Variants in PTPRN2 observed in about 807,000 individuals in gnomAD.
The protein encoded by PTPRN2 is protein tyrosine phosphatase receptor type N2.
In PTPRN2, 74 loss-of-function variants were observed where a neutral mutation model predicts 118.8. That is an observed-to-expected ratio of 0.62 (90% CI 0.52 to 0.76). The LOEUF (loss-of-function observed/expected upper bound fraction) is 0.76, where lower values mean the gene tolerates loss of function less well. Ranked by LOEUF, PTPRN2 falls within the 30% of genes least tolerant of loss-of-function variation. PTPRN2 has a pLI of 0.00. For missense variants in PTPRN2, 1,481 were observed against 1,394.4 expected, an observed-to-expected ratio of 1.06 and a Z score of -0.99; for synonymous variants, 641 against 608.0, an observed-to-expected ratio of 1.05 and a Z score of -0.80.
intron 2 of PTPRN2, among the ~76,000 whole-genome samples, chr7:158,340,339 T>G (rs1169604750): frequency 3.0e-5 from 3 of 98,784 alleles, no homozygotes; most frequent in African/African-American, 1.1e-4. Flanking sequence ...ACCCACACTG[T>G]CACCATAAGA....
In PTPRN2 at chr7:158,509,520, A is replaced by G. The variant is rs1823025693; in HGVS notation, c.113-19735T>C. The stretch of plus-strand genomic sequence containing the variant: ...CAGTCCTCATCTCTTCTTTCTAGAA[A>G]CCCAAGTTAAAGATCAAGGTGACAC... On this transcript the variant is annotated intron_variant, in intron 1 of 22. Coordinates refer to ENST00000389418, the MANE Select transcript of PTPRN2 (RefSeq NM_002847.5). This position sits in a 1 kb window ranked among gnomAD's most constrained non-coding sequence, Gnocchi z 4.4. Among the ~76,000 whole-genome samples the G allele has an allele frequency of 6.6e-6, 1 of 152,194 alleles. No individual in the cohort carries two copies. The highest frequency in any genetic ancestry group is 1.5e-5 in the Non-Finnish European group (1 of 68,024).
chr7:158,312,693 GCA>G (rs1198789150), intron 3 of PTPRN2, among the ~76,000 whole-genome samples: 20 of 135,060 alleles, frequency 1.5e-4, no homozygotes, highest in African/African-American at 5.6e-4. Context: ...ATGCACACCT[GCA>G]CACTCATTCA....
At chr7:158,041,050 G>A (rs1808430040) in intron 11 of PTPRN2, among the ~76,000 whole-genome samples, 1 of 152,178 alleles carries the variant, frequency 6.6e-6, no homozygotes, top group African/African-American at 2.4e-5. Flanking sequence ...TTCAAGTAGT[G>A]TTAAAAGAAG....
intron 6 of PTPRN2, among the ~76,000 whole-genome samples, chr7:158,151,158 C>T (rs1585646526): frequency 1.5e-5 from 1 of 67,556 alleles, no homozygotes; most frequent in Non-Finnish European, 3.1e-5. Flanking sequence ...CCTCTCCCTG[C>T]CCACACCGCC....
At chr7:158,288,275 C>T (rs1164343674) in intron 3 of PTPRN2, among the ~76,000 whole-genome samples, 1 of 152,090 alleles carries the variant, frequency 6.6e-6, no homozygotes, top group Non-Finnish European at 1.5e-5. Context: ...AAATGTAATC[C>T]ATTTACATTC....
chr7:158,497,495 A>T (rs778009400), intron 1 of PTPRN2, among the ~76,000 whole-genome samples: 1 of 152,050 alleles, frequency 6.6e-6, no homozygotes, highest in Non-Finnish European at 1.5e-5. Flanking sequence ...CTGGAGGTTG[A>T]CACACATGGC....
intron 1 of PTPRN2, among the ~76,000 whole-genome samples, chr7:158,558,541 G>A (rs557216791): frequency 3.3e-5 from 5 of 152,178 alleles, no homozygotes; most frequent in South Asian, 4.2e-4. Context: ...AGAGCCCAGC[G>A]GAGGCAGGGT....
At chr7:158,263,124 TAC>T (rs1797636452) in intron 3 of PTPRN2, among the ~76,000 whole-genome samples, 1 of 116,482 alleles carries the variant, frequency 8.6e-6, no homozygotes, top group Non-Finnish European at 1.8e-5. Context: ...TGCACACACA[TAC>T]ACATATACAC....
chr7:158,509,633 C>T lies in PTPRN2; in HGVS notation c.113-19848G>A, dbSNP rs1823033711. Among the ~76,000 whole-genome samples the T allele has an allele frequency of 6.6e-6, 1 of 152,280 alleles. No homozygotes were observed. Among genetic ancestry groups the T allele is most frequent in the South Asian group, 2.1e-4 (1 of 4,836 alleles). ...CTGCTTTGTTCCGGGATCCCCCAGC[C>T]TCATTTCCATCTCTGTCATGGGCTC... On this transcript the variant is annotated intron_variant, in intron 1 of 22. Transcript: ENST00000389418. This position sits in a 1 kb window ranked among gnomAD's most constrained non-coding sequence, Gnocchi z 4.4.
At chr7:157,924,046 G>A (rs1798833268) in intron 11 of PTPRN2, among the ~76,000 whole-genome samples, 1 of 152,168 alleles carries the variant, frequency 6.6e-6, no homozygotes, top group South Asian at 2.1e-4. Context: ...AGACGGCAGG[G>A]ATGGGACAAT....
At chr7:158,462,072 G>GCGTGACCCC (rs1563322961) in intron 2 of PTPRN2, among the ~76,000 whole-genome samples, 1 of 16,324 alleles carries the variant, frequency 6.1e-5, no homozygotes, top group African/African-American at 1.6e-4. Context: ...CTGTGCTTCC[G>GCGTGACCCC]CCCACGCCCT....
chr7:158,147,680 C>A (rs1232343995), intron 6 of PTPRN2, among the ~76,000 whole-genome samples: 262 of 140,198 alleles, frequency 1.9e-3, no homozygotes, highest in Non-Finnish European at 2.3e-3. Flanking sequence ...CCCTCACTGA[C>A]ACCCCATCTC....
intron 12 of PTPRN2, among the ~76,000 whole-genome samples, chr7:157,898,397 A>G (rs1797253599): frequency 6.6e-6 from 1 of 152,220 alleles, no homozygotes. Context: ...TATTTTCTGA[A>G]GGCTTCTCCG....
chr7:157,744,884 G>A (rs1053137164), intron 12 of PTPRN2, among the ~76,000 whole-genome samples: 6 of 152,306 alleles, frequency 3.9e-5, no homozygotes, highest in African/African-American at 1.2e-4. Flanking sequence ...TCAGCCCCTG[G>A]GTGTTCACTT....
Position 157,749,929 on chromosome 7 carries a change from G to A in PTPRN2, c.1789-66992C>T, listed in dbSNP as rs1360610398. 3.1e-3 allele frequency among the ~76,000 whole-genome samples: 428 copies of A among 138,344 alleles called. 16 individuals are homozygous for A. The highest frequency in any genetic ancestry group is 0.011 in the Middle Eastern group (3 of 264). 90.8% of individuals were successfully genotyped at this position (138,344 alleles called of 152,430 possible). On this transcript the variant is annotated intron_variant, in intron 12 of 22. Transcript: ENST00000389418. Reference sequence around the variant, plus strand: ...TGAGGCCTGCATCTCTGAGCTGTGGGGTGTCCGGGTGATTCTGAGGCCTGT... The same window carrying A: ...TGAGGCCTGCATCTCTGAGCTGTGGAGTGTCCGGGTGATTCTGAGGCCTGT...
chr7:157,759,984 C>A (rs1334473261), intron 12 of PTPRN2, among the ~76,000 whole-genome samples: 1 of 152,248 alleles, frequency 6.6e-6, no homozygotes, highest in African/African-American at 2.4e-5. Flanking sequence ...CAAAGTGGGA[C>A]CATCCAGCAG....
intron 3 of PTPRN2, among the ~76,000 whole-genome samples, chr7:158,239,681 G>A (rs757304652): frequency 2.6e-5 from 4 of 152,164 alleles, no homozygotes; most frequent in Admixed American, 6.5e-5. Flanking sequence ...CAGCAGCCCC[G>A]CTTCAGTGCC....
intron 12 of PTPRN2, among the ~76,000 whole-genome samples, chr7:157,722,976 C>T (rs962434977): frequency 9.9e-5 from 15 of 152,204 alleles, no homozygotes; most frequent in Admixed American, 2.6e-4. Context: ...ATGCATTTTG[C>T]GTCCCTGGCT....
intron 12 of PTPRN2, chr7:157,856,046 C>T (rs558883975): frequency 6.6e-6 from 1 of 152,210 alleles, no homozygotes; most frequent in Non-Finnish European, 1.5e-5. Context: ...GCTGCTTAAC[C>T]GTGGAGTCTC....
Sources: gnomAD v4.1 joint callset for allele counts (sites outside exome capture counted in the v4.1 genomes callset) on GRCh38, gnomAD v4.1.1 for gene constraint, Gnocchi (gnomAD v3.1) non-coding constraint, MANE v1.5 for transcripts, NCBI Gene and HGNC (gene_info 2026-07-23, HGNC 2026-07-21) for gene names.